Variants in DUSP5 observed in about 807,000 individuals in gnomAD.
DUSP5 encodes dual specificity protein phosphatase 5.
DUSP5 carries 22 observed loss-of-function variants against 33.6 expected under a neutral mutation model. That is an observed-to-expected ratio of 0.66 (90% confidence interval 0.47 to 0.94). DUSP5 has a LOEUF of 0.94. Ranked by LOEUF, DUSP5 falls within the 40% of genes least tolerant of loss-of-function variation. The pLI is 0.00. For synonymous variants in DUSP5, 270 were observed against 231.1 expected (o/e 1.17, Z -1.53); for missense variants, 551 against 522.1 (o/e 1.06, Z -0.54).
chr10:110,507,668 C>T (rs1476957652), intron 3 of DUSP5, among the ~76,000 whole-genome samples: 2 of 152,244 alleles, frequency 1.3e-5, no homozygotes, highest in Non-Finnish European at 2.9e-5. Flanking sequence ...TAGCACTTGA[C>T]TCAAGCTCCA....
chr10:110,498,164 C>T lies in DUSP5; in HGVS notation c.43C>T (p.Leu15Phe). Residue 15 changes from leucine to phenylalanine, a missense_variant, in exon 1 of 4, where the codon CTC becomes TTC. Leu to Phe is a conservative substitution (Grantham distance 22). This residue lies in a region of DUSP5 where 381 missense variants were observed against 310.4 expected (regional missense o/e 1.23). Transcript: ENST00000369583. ...SLDGRQLRKMLRKEAAARCVV... is the reference protein window; with the variant it reads ...SLDGRQLRKMFRKEAAARCVV... ...CGACGGGCGCCAGCTGCGCAAGATGCTCCGCAAGGAGGCGGCGGCGCGCTG... is the reference window on the plus strand; with the variant it reads ...CGACGGGCGCCAGCTGCGCAAGATGTTCCGCAAGGAGGCGGCGGCGCGCTG... The T allele has an allele frequency of 6.7e-7, 1 of 1,482,526 alleles. No homozygotes were observed. The highest frequency in any genetic ancestry group is 9.0e-7 in the Non-Finnish European group (1 of 1,114,534). The allele number at this position is 1,482,526 out of a possible 1,614,324, so 91.8% of individuals were successfully genotyped here.
At chr10:110,502,180 C>T (rs1051493557) in intron 1 of DUSP5, among the ~76,000 whole-genome samples, 2 of 151,854 alleles carry the variant, frequency 1.3e-5, no homozygotes, top group Non-Finnish European at 2.9e-5. Context: ...CTTCTTAGCA[C>T]CTTGGGAGTG....
At chr10:110,499,610 G>A (rs979032806) in intron 1 of DUSP5, among the ~76,000 whole-genome samples, 1 of 152,224 alleles carries the variant, frequency 6.6e-6, no homozygotes, top group African/African-American at 2.4e-5. Flanking sequence ...GGGCCAGGAA[G>A]ATTCTGGAGA....
chr10:110,501,792 C>T (rs1015536187), intron 1 of DUSP5, among the ~76,000 whole-genome samples: 1 of 152,150 alleles, frequency 6.6e-6, no homozygotes, highest in Non-Finnish European at 1.5e-5. Context: ...GTTCCAAGGC[C>T]ACCTTTTCAT....
intron 3 of DUSP5, among the ~76,000 whole-genome samples, chr10:110,509,376 T>C (rs1207257620): frequency 2.0e-5 from 3 of 152,240 alleles, no homozygotes; most frequent in East Asian, 3.8e-4. Context: ...TAGCCAGGGC[T>C]ATAATTAGTG....
chr10:110,502,958 C>A, intron 2 of DUSP5, 89 bp downstream of exon 2: 1 of 1,532,290 alleles, frequency 6.5e-7, no homozygotes, highest in East Asian at 2.3e-5. Context: ...GTTCTCTCCC[C>A]ACTCAGCAAT....
rs1364266043 is a variant in DUSP5, at chr10:110,510,282, A to G, written c.1011A>G (p.Ser337=). Residue 337 remains serine (S), a synonymous_variant, in exon 4 of 4, where the codon TCA becomes TCG. Coordinates refer to ENST00000369583, the MANE Select transcript of DUSP5 (RefSeq NM_004419.4). ...GCCAAGGGGAGGCAGCAGGCTCTTC[A>G]CTGATAGGCCATTTGCAGACACTGA... is the stretch of plus-strand genomic sequence containing the variant. ...PSCQGEAAGS[S]LIGHLQTLSP... 3 of 1,613,962 alleles carry G rather than the reference A, an allele frequency of 1.9e-6. No homozygotes were observed. Among genetic ancestry groups the G allele is most frequent in the Admixed American group, 1.7e-5 (1 of 60,006 alleles).
chr10:110,505,295 C>G (rs1860104756), intron 2 of DUSP5, among the ~76,000 whole-genome samples: 1 of 152,206 alleles, frequency 6.6e-6, no homozygotes, highest in East Asian at 1.9e-4. Flanking sequence ...ATCTGAGCCT[C>G]AAGTTGCCCA....
chr10:110,509,129 G>A (rs1860154711), intron 3 of DUSP5, among the ~76,000 whole-genome samples: 1 of 152,108 alleles, frequency 6.6e-6, no homozygotes, highest in Admixed American at 6.5e-5. Context: ...ATTTTTTGTG[G>A]ATTTGATGTG....
chr10:110,507,297 G>A, intron 3 of DUSP5, 143 bp downstream of exon 3: 1 of 808,660 alleles, frequency 1.2e-6, no homozygotes, highest in South Asian at 1.9e-5. Context: ...AGCCAACATG[G>A]GATGCAGCTA....
chr10:110,509,141 A>G (rs139833674), intron 3 of DUSP5, among the ~76,000 whole-genome samples: 1 of 152,324 alleles, frequency 6.6e-6, no homozygotes, highest in East Asian at 1.9e-4. Flanking sequence ...TTTGATGTGT[A>G]CGTATCTTTA....
Position 110,510,806 on chromosome 10 carries a change from A to C in DUSP5, c.*380A>C. Reference sequence around the variant, plus strand: ...AGGAGAAAAGGCAGTTATGAAGCCAATTCATTTTGAAGGAAGCACAATTTC... The same window carrying C: ...AGGAGAAAAGGCAGTTATGAAGCCACTTCATTTTGAAGGAAGCACAATTTC... On this transcript the variant is annotated 3_prime_UTR_variant, in exon 4 of 4. Transcript: ENST00000369583. The C allele has an allele frequency of 5.4e-6, 1 of 185,442 alleles. No homozygotes were observed. The allele number at this position is 185,442 out of a possible 1,614,324, so 11.5% of individuals were successfully genotyped here.
chr10:110,507,173 C>G lies in DUSP5; in HGVS notation c.748+19C>G. On this transcript the variant is annotated intron_variant, in intron 3 of 3. Transcript: ENST00000369583. ...TTCATTGGTAGGTTTAGCCATTCCC[C>G]TTCAGTTATTTTGGGAGCCCCTTTG... The G allele has an allele frequency of 1.2e-6, 2 of 1,606,068 alleles. No individual in the cohort carries two copies. Among genetic ancestry groups the G allele is most frequent in the Non-Finnish European group, 1.7e-6 (2 of 1,176,748 alleles).
Position 110,498,281 on chromosome 10 carries a change from C to T in DUSP5, c.160C>T (p.Arg54Trp), listed in dbSNP as rs753918329. ...NVNLNSVVLR[R>W]ARGGAVSARY... is the part of the protein sequence containing the mutation. Reference sequence around the variant, plus strand: ...CAACCTCAACTCGGTGGTGCTGCGGCGGGCCCGGGGCGGCGCGGTGTCGGC... The same window carrying T: ...CAACCTCAACTCGGTGGTGCTGCGGTGGGCCCGGGGCGGCGCGGTGTCGGC... Residue 54 changes from arginine (R) to tryptophan (W), a missense_variant, in exon 1 of 4, where the codon CGG becomes TGG. Physicochemically the swap from Arg to Trp is moderately radical, Grantham distance 101 (BLOSUM62 -3). Coordinates refer to ENST00000369583, the MANE Select transcript of DUSP5 (RefSeq NM_004419.4). 2.7e-6 allele frequency: 4 copies of T among 1,464,112 alleles called. No homozygotes were observed. The highest frequency in any genetic ancestry group is 2.0e-5 in the Admixed American group (1 of 49,526). 90.7% of individuals were successfully genotyped at this position (1,464,112 alleles called of 1,614,324 possible). A position where few individuals can be genotyped will look rare whatever the true frequency, so the allele number is the denominator to read the frequency against.
At chr10:110,503,644 A>G (rs1243327145) in intron 2 of DUSP5, among the ~76,000 whole-genome samples, 1 of 152,192 alleles carries the variant, frequency 6.6e-6, no homozygotes, top group African/African-American at 2.4e-5. Context: ...AAACCTAACC[A>G]TTTTACGGAA....
chr10:110,508,355 G>A (rs1345504156), intron 3 of DUSP5, among the ~76,000 whole-genome samples: 1 of 151,986 alleles, frequency 6.6e-6, no homozygotes, highest in Non-Finnish European at 1.5e-5. Flanking sequence ...TAATTACCTG[G>A]GTAGCTACTT....
At chr10:110,500,348 G>A (rs1056312744) in intron 1 of DUSP5, among the ~76,000 whole-genome samples, 1 of 152,198 alleles carries the variant, frequency 6.6e-6, no homozygotes, top group Admixed American at 6.5e-5. Flanking sequence ...TCTTGCGTGT[G>A]CAGTGCCTTT....
intron 3 of DUSP5, 89 bp downstream of exon 3, chr10:110,507,243 C>A: frequency 7.4e-7 from 1 of 1,345,044 alleles, no homozygotes; most frequent in Non-Finnish European, 1.0e-6. Context: ...AAGCTACCTT[C>A]ACTGAAAGAA....
chr10:110,499,329 T>C (rs1342206909), intron 1 of DUSP5, among the ~76,000 whole-genome samples: 2 of 152,216 alleles, frequency 1.3e-5, no homozygotes, highest in Non-Finnish European at 2.9e-5. Flanking sequence ...TGATTGACTC[T>C]CAAAATCCAA....
Sources: gnomAD v4.1 joint callset for allele counts (sites outside exome capture counted in the v4.1 genomes callset) on GRCh38, gnomAD v4.1.1 for gene constraint, gnomAD v4.1.1 regional missense constraint, MANE v1.5 for transcripts, NCBI Gene and HGNC (gene_info 2026-07-23, HGNC 2026-07-21) for gene names.